Variants in MALL observed in about 807,000 individuals in gnomAD.
MALL encodes mal, T cell differentiation protein like, also known as MAL-like protein.
MALL carries 2 observed loss-of-function variants against 10.3 expected under a neutral mutation model. That is an observed-to-expected ratio of 0.19 (90% CI 0.08 to 0.61). The LOEUF is 0.61. Ranked by LOEUF, MALL falls within the 20% of genes least tolerant of loss-of-function variation. The pLI is 0.88. For missense variants in MALL, 39 were observed against 115.2 expected (o/e 0.34, Z 3.03); for synonymous variants, 27 against 51.8 (o/e 0.52, Z 2.05).
At chr2:110,099,954 C>T (rs1040010729) in intron 1 of MALL, among the ~76,000 whole-genome samples, 1 of 152,082 alleles carries the variant, frequency 6.6e-6, no homozygotes, top group Non-Finnish European at 1.5e-5. Flanking sequence ...CACAGCACTG[C>T]TGAGGAGCCC....
chr2:110,099,583 C>A (rs967019537), intron 1 of MALL, among the ~76,000 whole-genome samples: 1 of 152,160 alleles, frequency 6.6e-6, no homozygotes, highest in Non-Finnish European at 1.5e-5. Flanking sequence ...TCTCTCATTA[C>A]AAACTGTTTC....
In MALL at chr2:110,115,820, G is replaced by C. The variant is rs572709567; in HGVS notation, c.-28C>G. 317 of 1,132,080 alleles carry C rather than the reference G, an allele frequency of 2.8e-4. No homozygotes were observed. In the South Asian group the frequency reaches 8.6e-3, roughly 31 times the overall value. The allele number at this position is 1,132,080 out of a possible 1,614,324, so 70.1% of individuals were successfully genotyped here. A position where few individuals can be genotyped will look rare whatever the true frequency, so the allele number is the denominator to read the frequency against. On this transcript the variant is annotated 5_prime_UTR_variant, in exon 1 of 4. Transcript: ENST00000272462. The stretch of plus-strand genomic sequence containing the variant: ...TGTCAGCCCCTGCCGGGTGCTCCGC[G>C]GCAGCTCGCCCGCGCGCAGCCTGTC...
intron 1 of MALL, among the ~76,000 whole-genome samples, chr2:110,113,435 CAAAA>C (rs58360665): frequency 2.8e-4 from 9 of 31,822 alleles, no homozygotes; most frequent in Non-Finnish European, 6.2e-4. Flanking sequence ...GACTCTGTCT[CAAAA>C]AAAAAAAAAA....
intron 1 of MALL, among the ~76,000 whole-genome samples, chr2:110,098,222 T>A (rs1162323523): frequency 6.6e-6 from 1 of 151,652 alleles, no homozygotes; most frequent in Non-Finnish European, 1.5e-5. Context: ...TGTGGTTAAA[T>A]ACATATAACA....
At chr2:110,096,751 C>T (rs1678449141) in intron 1 of MALL, among the ~76,000 whole-genome samples, 1 of 145,114 alleles carries the variant, frequency 6.9e-6, no homozygotes, top group Non-Finnish European at 1.5e-5. Context: ...ACAATTTTTG[C>T]CTACGAATCT....
chr2:110,114,625 A>T (rs777545195), intron 1 of MALL, among the ~76,000 whole-genome samples: 2 of 151,372 alleles, frequency 1.3e-5, no homozygotes, highest in Non-Finnish European at 2.9e-5. Context: ...ACCCTGCCTG[A>T]TTCTCTTTCT....
At chr2:110,115,605 T>C in intron 1 of MALL, 83 bp downstream of exon 1, 2 of 693,740 alleles carry the variant, frequency 2.9e-6, no homozygotes, top group Non-Finnish European at 4.0e-6. Flanking sequence ...TCTGGGTCTC[T>C]CTCTTCTCGG....
intron 1 of MALL, among the ~76,000 whole-genome samples, chr2:110,103,280 C>A (rs1308346654): frequency 6.6e-6 from 1 of 152,094 alleles, no homozygotes; most frequent in African/African-American, 2.4e-5. Flanking sequence ...GAGCAGCCAT[C>A]CATTCTGGCT....
At chr2:110,092,735 T>TAAA in intron 1 of MALL, among the ~76,000 whole-genome samples, 1 of 124,806 alleles carries the variant, frequency 8.0e-6, no homozygotes, top group Non-Finnish European at 1.8e-5. Context: ...ATAATAATAA[T>TAAA]AAAGAAATGC....
At chr2:110,106,760 C>T (rs1409792272) in intron 1 of MALL, among the ~76,000 whole-genome samples, 1 of 152,128 alleles carries the variant, frequency 6.6e-6, no homozygotes, top group Non-Finnish European at 1.5e-5. Flanking sequence ...AAAGCCTGCA[C>T]ACAAGTTTTC....
At chr2:110,107,813 A>C (rs1678726729) in intron 1 of MALL, among the ~76,000 whole-genome samples, 2 of 152,186 alleles carry the variant, frequency 1.3e-5, no homozygotes, top group Non-Finnish European at 2.9e-5. Context: ...CCACCAGAAC[A>C]GGCACTGATA....
chr2:110,098,373 C>A (rs1161726151), intron 1 of MALL, among the ~76,000 whole-genome samples: 1 of 151,982 alleles, frequency 6.6e-6, no homozygotes, highest in Non-Finnish European at 1.5e-5. Context: ...CATTAAACAA[C>A]AACTCCCCAC....
intron 1 of MALL, among the ~76,000 whole-genome samples, chr2:110,107,034 A>G (rs1678710963): frequency 8.2e-6 from 1 of 122,324 alleles, no homozygotes; most frequent in African/African-American, 3.1e-5. Context: ...GTAGGAATGA[A>G]ATTTGTGGTT....
chr2:110,116,178 AC>A (rs1376295421), upstream of MALL: 1 of 186,906 alleles, frequency 5.4e-6, no homozygotes, highest in Non-Finnish European at 1.1e-5. Context: ...CTGAGGACCA[AC>A]AATGAGCCAA....
intron 1 of MALL, among the ~76,000 whole-genome samples, chr2:110,095,453 C>G (rs753542389): frequency 6.6e-6 from 1 of 152,036 alleles, no homozygotes; most frequent in Non-Finnish European, 1.5e-5. Context: ...TGAACTGAAA[C>G]TTGAAAGGAC....
At chr2:110,111,671 C>T (rs1048585665) in intron 1 of MALL, among the ~76,000 whole-genome samples, 11 of 151,994 alleles carry the variant, frequency 7.2e-5, no homozygotes, top group Non-Finnish European at 1.3e-4. Context: ...AAGCAATCTA[C>T]AAATTCAATG....
chr2:110,109,553 A>T (rs1362473256), intron 1 of MALL, among the ~76,000 whole-genome samples: 1 of 152,208 alleles, frequency 6.6e-6, no homozygotes, highest in African/African-American at 2.4e-5. Flanking sequence ...AATTTATAAA[A>T]CAATTACTAA....
At chr2:110,096,568 G>C (rs1174664533) in intron 1 of MALL, among the ~76,000 whole-genome samples, 1 of 152,114 alleles carries the variant, frequency 6.6e-6, no homozygotes, top group Non-Finnish European at 1.5e-5. Flanking sequence ...ATGTCCAAGA[G>C]AGGCCTCTCT....
chr2:110,115,817 C>G lies in MALL; in HGVS notation c.-25G>C, dbSNP rs1678907235. 8 of 1,130,388 alleles carry G rather than the reference C, an allele frequency of 7.1e-6. No homozygotes were observed. Among genetic ancestry groups the G allele is most frequent in the Middle Eastern group, 2.8e-4 (1 of 3,538 alleles). 70.0% of individuals were successfully genotyped at this position (1,130,388 alleles called of 1,614,324 possible). A position where few individuals can be genotyped will look rare whatever the true frequency, so the allele number is the denominator to read the frequency against. On this transcript the variant is annotated 5_prime_UTR_variant, in exon 1 of 4. Coordinates refer to ENST00000272462, the MANE Select transcript of MALL (RefSeq NM_005434.5). ...TGCTGTCAGCCCCTGCCGGGTGCTC[C>G]GCGGCAGCTCGCCCGCGCGCAGCCT...
Sources: gnomAD v4.1 joint callset for allele counts (sites outside exome capture counted in the v4.1 genomes callset) on GRCh38, gnomAD v4.1.1 for gene constraint, MANE v1.5 for transcripts, NCBI Gene and HGNC (gene_info 2026-07-23, HGNC 2026-07-21) for gene names.